Variants in PTPRN2 observed in about 807,000 individuals in gnomAD.
The protein encoded by PTPRN2 is receptor-type tyrosine-protein phosphatase N2.
In PTPRN2, 74 loss-of-function variants were observed where a neutral mutation model predicts 118.8. The ratio of observed to expected loss-of-function variants is 0.62; its 90% CI spans 0.52 to 0.76. The LOEUF is 0.76. PTPRN2 is among the 30% of genes least tolerant of loss of function. The pLI is 0.00. For synonymous variants in PTPRN2, 641 were observed against 608.0 expected (o/e 1.05, Z -0.80); for missense variants, 1,481 against 1,394.4 (o/e 1.06, Z -0.99).
chr7:157,895,051 T>TC (rs1554484928), intron 12 of PTPRN2, among the ~76,000 whole-genome samples: 5 of 149,740 alleles, frequency 3.3e-5, no homozygotes, highest in Admixed American at 2.6e-4. Context: ...AGAGGACCCC[T>TC]CCCCCACAGG....
intron 2 of PTPRN2, among the ~76,000 whole-genome samples, chr7:158,328,553 G>A (rs557184133): frequency 2.6e-5 from 4 of 152,298 alleles, no homozygotes; most frequent in African/African-American, 7.2e-5. Flanking sequence ...GGAGCCCCAC[G>A]TCCGGGCAGC....
At chr7:158,498,039 C>T (rs574562482) in intron 1 of PTPRN2, among the ~76,000 whole-genome samples, 7 of 152,240 alleles carry the variant, frequency 4.6e-5, no homozygotes, top group South Asian at 2.1e-4. Context: ...CTGGTCAGTC[C>T]GCTCCATCAC....
At chr7:158,111,482 A>G (rs897175581) in intron 9 of PTPRN2, among the ~76,000 whole-genome samples, 1 of 152,266 alleles carries the variant, frequency 6.6e-6, no homozygotes. Context: ...AGCCGTCACC[A>G]GGGTGGTTTG....
At chr7:157,855,004 G>C (rs1219552926) in intron 12 of PTPRN2, 1 of 170,546 alleles carries the variant, frequency 5.9e-6, no homozygotes, top group Non-Finnish European at 1.3e-5. Context: ...CATTGCAGGG[G>C]TGTGTGTGGG....
At chr7:158,307,118 C>T (rs1472937693) in intron 3 of PTPRN2, among the ~76,000 whole-genome samples, 2 of 152,206 alleles carry the variant, frequency 1.3e-5, no homozygotes, top group East Asian at 3.9e-4. Context: ...CCACCCGCCT[C>T]GGCCTCCCAA....
At position 158,127,290 on chromosome 7, in the gene PTPRN2, CGT is replaced by C. The variant is rs200078611; in HGVS notation, c.1556+6385_1556+6386del. 6.9e-3 allele frequency among the ~76,000 whole-genome samples: 1,049 copies of C among 151,354 alleles called. 11 individuals are homozygous for C. Among genetic ancestry groups the C allele is most frequent in the African/African-American group, 0.017 (706 of 40,812 alleles). ...TGCTCATCCGTGCACCTGTGCCCTGCGTCCTCCTCTGCGTGCACCCTGCGTCC... is the reference window on the plus strand; with the variant it reads ...TGCTCATCCGTGCACCTGTGCCCTGCCCTCCTCTGCGTGCACCCTGCGTCC... On this transcript the variant is annotated intron_variant, in intron 9 of 22. Coordinates refer to ENST00000389418, the MANE Select transcript of PTPRN2 (RefSeq NM_002847.5).
At chr7:157,824,647 T>C (rs1283942759) in intron 12 of PTPRN2, among the ~76,000 whole-genome samples, 1 of 152,200 alleles carries the variant, frequency 6.6e-6, no homozygotes, top group African/African-American at 2.4e-5. Context: ...TGGTGAGACC[T>C]GGCTCGACAG....
intron 3 of PTPRN2, among the ~76,000 whole-genome samples, chr7:158,279,180 C>T (rs956152658): frequency 2.6e-5 from 4 of 152,194 alleles, no homozygotes; most frequent in African/African-American, 9.7e-5. Flanking sequence ...GCTGATTGGT[C>T]CATTTTACAG....
intron 1 of PTPRN2, among the ~76,000 whole-genome samples, chr7:158,582,775 T>G (rs1828697242): frequency 8.8e-6 from 1 of 114,172 alleles, no homozygotes; most frequent in African/African-American, 3.6e-5. Flanking sequence ...CCAGCCTGGG[T>G]GACAAAGCGA....
chr7:157,961,028 C>CCAAAA (rs1377429788), intron 11 of PTPRN2, among the ~76,000 whole-genome samples: 1 of 151,446 alleles, frequency 6.6e-6, no homozygotes, highest in African/African-American at 2.4e-5. Context: ...CAAAACAAAA[C>CCAAAA]CAAAACAAAA....
intron 2 of PTPRN2, among the ~76,000 whole-genome samples, chr7:158,418,716 T>C (rs1815000130): frequency 6.6e-6 from 1 of 152,034 alleles, no homozygotes; most frequent in South Asian, 2.1e-4. Context: ...GCTCTCAGTG[T>C]CCCACTGTGT....
rs1444093156 is a variant in PTPRN2 at position 158,563,167 on chromosome 7, TCA to T, written c.112+24389_112+24390del. Reference sequence around the variant, plus strand: ...AAGAAGAGAGGTCCTACCTGAAACCTCACAGGGAAATTTGTGCCTTCTCCCAA... The same window carrying T: ...AAGAAGAGAGGTCCTACCTGAAACCTCAGGGAAATTTGTGCCTTCTCCCAA... On this transcript the variant is annotated intron_variant, in intron 1 of 22. Transcript: ENST00000389418. This position sits in a 1 kb window ranked among gnomAD's most constrained non-coding sequence, Gnocchi z 5.1. Among the ~76,000 whole-genome samples the T allele has an allele frequency of 2.0e-5, 3 of 152,196 alleles. No homozygotes were observed. Among genetic ancestry groups the T allele is most frequent in the South Asian group, 2.1e-4 (1 of 4,804 alleles).
At chr7:157,722,828 GT>G (rs1056312220) in intron 12 of PTPRN2, among the ~76,000 whole-genome samples, 10 of 152,208 alleles carry the variant, frequency 6.6e-5, no homozygotes, top group Non-Finnish European at 1.2e-4. Flanking sequence ...GCGGTGCAGG[GT>G]GGGGCTCTGC....
At chr7:157,812,407 G>T (rs77773108) in intron 12 of PTPRN2, among the ~76,000 whole-genome samples, 3,296 of 152,100 alleles carry the variant, frequency 0.022, 105 homozygotes, top group African/African-American at 0.067. Context: ...GAGGGAGGAG[G>T]GTGGGAAGAA....
At chr7:158,448,571 G>A (rs1039269218) in intron 2 of PTPRN2, among the ~76,000 whole-genome samples, 1 of 152,146 alleles carries the variant, frequency 6.6e-6, no homozygotes, top group Admixed American at 6.5e-5. Context: ...GCCCCCAGGG[G>A]AGCCCCTCAG....
At chr7:157,662,065 C>T (rs1795916967) in intron 13 of PTPRN2, among the ~76,000 whole-genome samples, 1 of 152,204 alleles carries the variant, frequency 6.6e-6, no homozygotes, top group African/African-American at 2.4e-5. Context: ...TTGACTCATT[C>T]ACTCATAGCA....
In PTPRN2 at chr7:157,591,092, C is replaced by A. The variant is rs920051069; in HGVS notation, c.2496+4146G>T. ...GAGCTCTCAGTCCAATGACTGACAT[C>A]CTTAGAAGAGGAGGGAAATTTGGAC... On this transcript the variant is annotated intron_variant, in intron 17 of 22. Coordinates refer to ENST00000389418, the MANE Select transcript of PTPRN2 (RefSeq NM_002847.5). This position sits in a 1 kb window ranked among gnomAD's most constrained non-coding sequence, Gnocchi z 4.4. 2.0e-5 allele frequency among the ~76,000 whole-genome samples: 3 copies of A among 152,162 alleles called. No homozygotes were observed. The South Asian group carries it at 6.2e-4, about 32-fold the overall frequency.
chr7:157,738,305 C>A (rs1449889972), intron 12 of PTPRN2, among the ~76,000 whole-genome samples: 2 of 152,146 alleles, frequency 1.3e-5, no homozygotes, highest in Non-Finnish European at 2.9e-5. Context: ...GAAGGAGGCG[C>A]CCCAGAGGGG....
chr7:157,858,212 CCT>C (rs1211177363), intron 12 of PTPRN2, among the ~76,000 whole-genome samples: 1 of 19,866 alleles, frequency 5.0e-5, no homozygotes, highest in African/African-American at 2.8e-4. Context: ...GCAGGGAGAG[CCT>C]CCCAGCCACC....
Sources: gnomAD v4.1 joint callset for allele counts (sites outside exome capture counted in the v4.1 genomes callset) on GRCh38, gnomAD v4.1.1 for gene constraint, Gnocchi (gnomAD v3.1) non-coding constraint, MANE v1.5 for transcripts, NCBI Gene and HGNC (gene_info 2026-07-23, HGNC 2026-07-21) for gene names.